PLXDC2: variants seen among roughly 807,000 people sequenced by gnomAD.
PLXDC2 encodes the protein plexin domain-containing protein 2.
PLXDC2 carries 40 observed loss-of-function variants against 68.9 expected under a neutral mutation model. That is an observed-to-expected ratio of 0.58 (90% confidence interval 0.45 to 0.76). The LOEUF (loss-of-function observed/expected upper bound fraction) is 0.76. PLXDC2 is among the 30% of genes least tolerant of loss of function. The pLI, the probability that PLXDC2 is intolerant of heterozygous loss-of-function variation, is 0.00. For synonymous variants in PLXDC2, 243 were observed against 234.2 expected (o/e 1.04, Z -0.34); for missense variants, 644 against 661.9 (o/e 0.97, Z 0.30).
intron 1 of PLXDC2, among the ~76,000 whole-genome samples, chr10:19,911,629 T>C (rs1454986415): frequency 1.3e-5 from 2 of 152,096 alleles, no homozygotes; most frequent in Admixed American, 1.3e-4. Context: ...CTTATAGTTG[T>C]GAAAACTGAA....
In PLXDC2 at chr10:19,891,449, A is replaced by G. The variant is rs750899951; in HGVS notation, c.112+74258A>G. On this transcript the variant is annotated intron_variant, in intron 1 of 13. Transcript: ENST00000377252. ...TCTTCCGTAATTACCATTCACATCTATTAGATTGTGCTATAGAGTTTTGAA... is the reference window on the plus strand; with the variant it reads ...TCTTCCGTAATTACCATTCACATCTGTTAGATTGTGCTATAGAGTTTTGAA... Among the ~76,000 whole-genome samples the G allele has an allele frequency of 1.2e-3, 180 of 152,030 alleles. 3 individuals carry two copies. The highest frequency in any genetic ancestry group is 6.9e-4 in the Non-Finnish European group (47 of 68,010).
chr10:20,189,413 CAT>C (rs1221142999), intron 9 of PLXDC2, among the ~76,000 whole-genome samples: 6 of 144,208 alleles, frequency 4.2e-5, no homozygotes, highest in African/African-American at 1.3e-4. Flanking sequence ...ACCACACACA[CAT>C]ATTGTGTATA....
intron 1 of PLXDC2, among the ~76,000 whole-genome samples, chr10:19,869,620 GTTA>G (rs1244184952): frequency 2.6e-5 from 4 of 151,868 alleles, no homozygotes; most frequent in Non-Finnish European, 4.4e-5. Context: ...AATGTGGTTA[GTTA>G]TTATATTACT....
At chr10:20,104,455 T>C (rs890425573) in intron 4 of PLXDC2, among the ~76,000 whole-genome samples, 1 of 152,136 alleles carries the variant, frequency 6.6e-6, no homozygotes, top group Non-Finnish European at 1.5e-5. Context: ...CCCTGAAGAC[T>C]TAGTCTTCAG....
intron 2 of PLXDC2, among the ~76,000 whole-genome samples, chr10:20,044,259 TTCTTTC>T (rs1471495845): frequency 6.8e-5 from 9 of 131,402 alleles, no homozygotes; most frequent in African/African-American, 3.0e-4. Flanking sequence ...CTTTCTTTCT[TTCTTTC>T]TTTCTTTCTT....
intron 2 of PLXDC2, among the ~76,000 whole-genome samples, chr10:20,016,949 T>C (rs1835222595): frequency 6.6e-6 from 1 of 152,236 alleles, no homozygotes; most frequent in South Asian, 2.1e-4. Flanking sequence ...TTTAGCATGC[T>C]GCAGCTTCTG....
chr10:19,987,515 T>A (rs1404500608), intron 1 of PLXDC2, among the ~76,000 whole-genome samples: 1 of 152,082 alleles, frequency 6.6e-6, no homozygotes, highest in South Asian at 2.1e-4. Flanking sequence ...ATCCTTTTTT[T>A]ACTCTAGGTT....
At chr10:19,910,387 A>G (rs1589531598) in intron 1 of PLXDC2, among the ~76,000 whole-genome samples, 1 of 151,868 alleles carries the variant, frequency 6.6e-6, no homozygotes, top group East Asian at 1.9e-4. Context: ...ATCTCATTTA[A>G]TCTTCACAAC....
chr10:20,094,923 T>A (rs1336861379), intron 4 of PLXDC2, among the ~76,000 whole-genome samples: 3 of 152,158 alleles, frequency 2.0e-5, no homozygotes, highest in African/African-American at 7.2e-5. Flanking sequence ...TTGCTGAGTA[T>A]TGATTTCAAG....
At chr10:20,102,882 T>C (rs1383047904) in intron 4 of PLXDC2, among the ~76,000 whole-genome samples, 1 of 152,176 alleles carries the variant, frequency 6.6e-6, no homozygotes, top group African/African-American at 2.4e-5. Flanking sequence ...TTATTGAGTA[T>C]AGGCAGCTAG....
At chr10:19,867,323 C>G (rs7911356) in intron 1 of PLXDC2, among the ~76,000 whole-genome samples, 18,919 of 151,974 alleles carry the variant, frequency 0.12, 1,824 homozygotes, top group African/African-American at 0.27. Context: ...CCTCAGCCTC[C>G]CAAAGTGCTG....
chr10:19,884,920 G>C (rs1172371840), intron 1 of PLXDC2, among the ~76,000 whole-genome samples: 1 of 152,252 alleles, frequency 6.6e-6, no homozygotes, highest in African/African-American at 2.4e-5. Flanking sequence ...TCCCTGAGGA[G>C]TCGCCACACT....
At chr10:20,162,954 G>A (rs928329239) in intron 6 of PLXDC2, among the ~76,000 whole-genome samples, 1 of 148,360 alleles carries the variant, frequency 6.7e-6, no homozygotes, top group African/African-American at 2.5e-5. Context: ...GGTGACACAC[G>A]CCTGTAATCT....
intron 2 of PLXDC2, among the ~76,000 whole-genome samples, chr10:20,039,148 C>T (rs989854928): frequency 1.3e-5 from 2 of 152,106 alleles, no homozygotes; most frequent in South Asian, 2.1e-4. Context: ...TTCCTCCTCC[C>T]CTTGGTTCCT....
At chr10:19,879,429 A>C (rs1465215686) in intron 1 of PLXDC2, among the ~76,000 whole-genome samples, 1 of 152,164 alleles carries the variant, frequency 6.6e-6, no homozygotes, top group East Asian at 1.9e-4. Flanking sequence ...AGTGAGCTTT[A>C]TATCTCTATG....
intron 4 of PLXDC2, among the ~76,000 whole-genome samples, chr10:20,079,139 G>T (rs963069184): frequency 6.6e-6 from 1 of 151,890 alleles, no homozygotes; most frequent in African/African-American, 2.4e-5. Context: ...ATATTACAAG[G>T]AACTTAAACA....
chr10:20,216,992 G>A (rs1048520070), intron 10 of PLXDC2, among the ~76,000 whole-genome samples: 23 of 152,086 alleles, frequency 1.5e-4, no homozygotes, highest in East Asian at 1.9e-4. Context: ...CAAATATTTC[G>A]GATTTAGCAT....
At chr10:20,140,161 G>A (rs1258072292) in intron 4 of PLXDC2, among the ~76,000 whole-genome samples, 2 of 151,940 alleles carry the variant, frequency 1.3e-5, no homozygotes, top group Non-Finnish European at 2.9e-5. Flanking sequence ...TTAGCCGGGC[G>A]TGGTGGAGGG....
rs1226746835 is a variant in PLXDC2 at position 20,044,211 on chromosome 10, G to GTCTTTCTTTCTTTCTTTCTT, written c.325-2593_325-2574dup. ...TTTCTTTCTCTCTCTCTCTCTCTCTGTCTTTCTTTCTTTCTTTCTTTCTTT... is the reference window on the plus strand; with the variant it reads ...TTTCTTTCTCTCTCTCTCTCTCTCTGTCTTTCTTTCTTTCTTTCTTTCTTTCTTTCTTTCTTTCTTTCTTT... On this transcript the variant is annotated intron_variant, in intron 2 of 13. Coordinates refer to ENST00000377252, the MANE Select transcript of PLXDC2 (RefSeq NM_032812.9). 7.3e-4 allele frequency among the ~76,000 whole-genome samples: 50 copies of GTCTTTCTTTCTTTCTTTCTT among 68,592 alleles called. 1 individual carries two copies. Among genetic ancestry groups the GTCTTTCTTTCTTTCTTTCTT allele is most frequent in the South Asian group, 1.2e-3 (2 of 1,638 alleles). 45.0% of individuals were successfully genotyped at this position (68,592 alleles called of 152,430 possible).
Sources: allele counts gnomAD v4.1 joint callset (sites outside exome capture counted in the v4.1 genomes callset), GRCh38; gene constraint gnomAD v4.1.1; transcripts MANE v1.5; gene names NCBI Gene and HGNC (gene_info 2026-07-23, HGNC 2026-07-21).